Variants in MMP19 observed in about 807,000 individuals in gnomAD.
MMP19 encodes matrix metalloproteinase-19.
MMP19 carries 47 observed loss-of-function variants against 46.6 expected under a neutral mutation model. The observed-to-expected ratio is 1.01, with a 90% confidence interval of 0.80 to 1.29. The LOEUF is 1.29. Among genes scored for constraint, MMP19 ranks in the 50% most tolerant of loss-of-function variants. The pLI, the probability that MMP19 is intolerant of heterozygous loss-of-function variation, is 0.00. For synonymous variants in MMP19, 222 were observed against 248.5 expected (o/e 0.89, Z 1.00); for missense variants, 589 against 643.5 (o/e 0.92, Z 0.92).
Position 55,836,459 on chromosome 12 carries a change from A to AATGT in MMP19, c.*573_*576dup, listed in dbSNP as rs764266458. 6.6e-6 allele frequency: 1 copy of AATGT among 152,492 alleles called. No homozygotes were observed. Among genetic ancestry groups the AATGT allele is most frequent in the Non-Finnish European group, 1.5e-5 (1 of 68,146 alleles). The allele number at this position is 152,492 out of a possible 1,614,324, so 9.4% of individuals were successfully genotyped here. A position where few individuals can be genotyped will look rare whatever the true frequency, so the allele number is the denominator to read the frequency against. On this transcript the variant is annotated 3_prime_UTR_variant, in exon 9 of 9. Transcript: ENST00000322569. Reference sequence around the variant, plus strand: ...ATGGAGTTAGCTTTTATTAAACACAAATGTACCAGACACTGTGCCAGGCAC... The same window carrying AATGT: ...ATGGAGTTAGCTTTTATTAAACACAAATGTATGTACCAGACACTGTGCCAGGCAC...
Position 55,838,592 on chromosome 12 carries a change from G to A in MMP19, c.895+14C>T, listed in dbSNP as rs751124452. The stretch of plus-strand genomic sequence containing the variant: ...CCCACCGCCTGCCAACAGCCTGGAG[G>A]GGAGGGGCCTCACCCAGCATCATGG... On this transcript the variant is annotated intron_variant, in intron 6 of 8. Transcript: ENST00000322569. The A allele has an allele frequency of 1.2e-6, 2 of 1,614,176 alleles. No individual in the cohort carries two copies. Among genetic ancestry groups the A allele is most frequent in the East Asian group, 4.5e-5 (2 of 44,886 alleles).
rs1881537763 is a variant in MMP19, at chr12:55,839,653, C to T, written c.609G>A (p.Gly203=). The change falls in exon 5 of 9, where the codon GGG becomes GGA. Residue 203 remains glycine (G), a synonymous_variant. Transcript: ENST00000322569. ...DEFWTEGTYR[G]VNLRIIAAHE... is the part of the protein sequence containing the mutation. Reference sequence around the variant, plus strand: ...GGGCTGCAATGATGCGCAGGTTCACCCCACGGTAGGTCCCCTCAGTCCAGA... The same window carrying T: ...GGGCTGCAATGATGCGCAGGTTCACTCCACGGTAGGTCCCCTCAGTCCAGA... 6.2e-7 allele frequency: 1 copy of T among 1,614,138 alleles called. No homozygotes were observed. The highest frequency in any genetic ancestry group is 1.7e-5 in the Admixed American group (1 of 60,016).
intron 4 of MMP19, 193 bp from the exon 5 acceptor site, chr12:55,839,934 G>T: frequency 1.4e-6 from 1 of 724,880 alleles, no homozygotes; most frequent in Non-Finnish European, 2.2e-6. Context: ...GCCCATCACT[G>T]TCCCTTACCT....
chr12:55,841,599 G>C (rs2136237196), intron 2 of MMP19, among the ~76,000 whole-genome samples: 1 of 145,252 alleles, frequency 6.9e-6, no homozygotes, highest in East Asian at 2.0e-4. Flanking sequence ...TTTCTTTTTT[G>C]GTAGAGATGG....
chr12:55,838,785 T>C (rs1189851683), intron 5 of MMP19, 51 bp from the exon 6 acceptor site: 24 of 1,440,136 alleles, frequency 1.7e-5, no homozygotes, highest in Non-Finnish European at 2.3e-5. Context: ...GCACCTGTCC[T>C]CCACACCAGT....
At chr12:55,838,483 A>T in intron 6 of MMP19, 123 bp downstream of exon 6, 1 of 1,603,196 alleles carries the variant, frequency 6.2e-7, no homozygotes, top group Non-Finnish European at 8.5e-7. Flanking sequence ...CATGGTCATT[A>T]ATGCCTGGGG....
chr12:55,838,773 C>G, intron 5 of MMP19, 39 bp from the exon 6 acceptor site: 1 of 1,503,886 alleles, frequency 6.6e-7, no homozygotes, highest in Non-Finnish European at 9.0e-7. Context: ...AGAGAACTCA[C>G]AGCACCTGTC....
In MMP19 at chr12:55,842,913, A is replaced by C. The variant is rs997489265; in HGVS notation, c.-83T>G. The C allele has an allele frequency of 8.5e-6, 9 of 1,061,716 alleles. No homozygotes were observed. The African/African-American group carries it at 1.4e-4, about 17-fold the overall frequency. The allele number at this position is 1,061,716 out of a possible 1,614,324, so 65.8% of individuals were successfully genotyped here. A position where few individuals can be genotyped will look rare whatever the true frequency, so the allele number is the denominator to read the frequency against. On this transcript the variant is annotated 5_prime_UTR_variant, in exon 1 of 9. Transcript: ENST00000322569. The stretch of plus-strand genomic sequence containing the variant: ...GAGCCTTGGGGGAGCAGTGCTAGGC[A>C]GAGGGGCTCTTACCCCCAGTTCTTT...
chr12:55,842,279 G>A, intron 2 of MMP19, 74 bp downstream of exon 2: 2 of 1,225,136 alleles, frequency 1.6e-6, no homozygotes, highest in Non-Finnish European at 2.4e-6. Context: ...GGTGGGCCTG[G>A]GGAGAGGAAG....
intron 8 of MMP19, 84 bp from the exon 9 acceptor site, chr12:55,837,458 C>T (rs1331622188): frequency 6.3e-7 from 1 of 1,586,032 alleles, no homozygotes; most frequent in Non-Finnish European, 8.6e-7. Flanking sequence ...CCCACTGCAG[C>T]TGCAGAACAT....
chr12:55,836,928 C>T lies in MMP19; in HGVS notation c.*108G>A. 2 of 1,033,794 alleles carry T rather than the reference C, an allele frequency of 1.9e-6. No homozygotes were observed. Among genetic ancestry groups the T allele is most frequent in the South Asian group, 1.6e-5 (1 of 64,200 alleles). The allele number at this position is 1,033,794 out of a possible 1,614,324, so 64.0% of individuals were successfully genotyped here. On this transcript the variant is annotated 3_prime_UTR_variant, in exon 9 of 9. Transcript: ENST00000322569. Reference sequence around the variant, plus strand: ...CACCTGCAAGGTTCTACTGAGCAGACAGGTATTTCATTCAGCTATTAGGCC... The same window carrying T: ...CACCTGCAAGGTTCTACTGAGCAGATAGGTATTTCATTCAGCTATTAGGCC...
At position 55,839,579 on chromosome 12, in the gene MMP19, G is replaced by A. The variant is rs1388988621; in HGVS notation, c.683C>T (p.Ala228Val). The change falls in exon 5 of 9, where the codon GCC becomes GTC. Residue 228 changes from alanine (A) to valine (V), a missense_variant. Physicochemically the swap from Ala to Val is moderately conservative, Grantham distance 64 (BLOSUM62 0). Transcript: ENST00000322569. Reference protein sequence around the residue: ...LGLGHSRYSQALMAPVYEGYR... With the variant: ...LGLGHSRYSQVLMAPVYEGYR... ...GCCCTCGTAGACTGGGGCCATGAGG[G>A]CCTGGGAATATCGGGAGTGCCCAAG... 1 of 1,614,222 alleles carries A rather than the reference G, an allele frequency of 6.2e-7. No individual in the cohort carries two copies.
At position 55,839,665 on chromosome 12, in the gene MMP19, C is replaced by G; in HGVS notation, c.597G>C (p.Gly199=). The G allele has an allele frequency of 6.2e-7, 1 of 1,614,240 alleles. No homozygotes were observed. The highest frequency in any genetic ancestry group is 8.5e-7 in the Non-Finnish European group (1 of 1,180,040). ...TGCGCAGGTTCACCCCACGGTAGGT[C>G]CCCTCAGTCCAGAACTCGTCTTCGT... The part of the protein sequence containing the change: ...HFDEDEFWTE[G]TYRGVNLRII... Residue 199 remains glycine, a synonymous_variant, in exon 5 of 9, where the codon GGG becomes GGC. Transcript: ENST00000322569.
At position 55,837,044 on chromosome 12, in the gene MMP19, C is replaced by T. The variant is rs1881267167; in HGVS notation, c.1519G>A (p.Glu507Lys). The change falls in exon 9 of 9, where the codon GAA (glutamate) becomes AAA (lysine). Residue 507 changes from glutamate (E) to lysine (K), a missense_variant. Transcript: ENST00000322569. ...TTLSATETTF[E>K]Y ...TGTCTGTGGGTGAGCAGTCAGTATT[C>T]AAACGTGGTTTCTGTGGCTGAGAGA... 1 of 1,566,120 alleles carries T rather than the reference C, an allele frequency of 6.4e-7. No individual in the cohort carries two copies. Among genetic ancestry groups the T allele is most frequent in the Admixed American group, 1.8e-5 (1 of 56,528 alleles).
Position 55,842,764 on chromosome 12 carries a change from GC to G in MMP19, c.66del (p.Ala24GlnfsTer19), listed in dbSNP as rs1281540654. ...LPMTVSGRVL[G>X]LAEVAPVDYL... ...CTTACCACAGGCGCCACCTCTGCAAGCCCCAGGACCCGGCCTGAGACTGTCA... is the reference window on the plus strand; with the variant it reads ...CTTACCACAGGCGCCACCTCTGCAAGCCCAGGACCCGGCCTGAGACTGTCA... On this transcript the variant is annotated frameshift_variant, in exon 1 of 9. Coordinates refer to ENST00000322569, the MANE Select transcript of MMP19 (RefSeq NM_002429.6). LOFTEE classifies it high-confidence loss of function. 1 of 1,606,634 alleles carries G rather than the reference GC, an allele frequency of 6.2e-7. No individual in the cohort carries two copies.
At chr12:55,840,999 T>TTG (rs1322550188) in intron 3 of MMP19, 107 bp downstream of exon 3, 2 of 1,543,920 alleles carry the variant, frequency 1.3e-6, no homozygotes, top group Non-Finnish European at 1.8e-6. Context: ...AATCACCAGG[T>TTG]GATTATCTAT....
intron 4 of MMP19, among the ~76,000 whole-genome samples, chr12:55,840,388 AGAGAGAAGGAGAGAAGGAAGGGAGGGAGG>A (rs1357680951): frequency 1.8e-5 from 2 of 109,896 alleles, no homozygotes; most frequent in Non-Finnish European, 3.6e-5. Context: ...AGGGAGGGAG[AGAGAGAAGGAGAGAAGGAAGGGAGGGAGG>A]GAGAGAAGGA....
chr12:55,839,077 TA>T (rs1881477525), intron 5 of MMP19, among the ~76,000 whole-genome samples: 1 of 151,536 alleles, frequency 6.6e-6, no homozygotes, highest in African/African-American at 2.4e-5. Flanking sequence ...CCATCTCTAC[TA>T]AAATACAAAA....
chr12:55,839,550 G>A lies in MMP19; in HGVS notation c.712C>T (p.Arg238Trp), dbSNP rs754912368. Reference protein sequence around the residue: ...ALMAPVYEGYRPHFKLHPDDV... With the variant: ...ALMAPVYEGYWPHFKLHPDDV... ...TCTGGGTGCAGCTTAAAGTGGGGCC[G>A]GTAGCCCTCGTAGACTGGGGCCATG... is the stretch of plus-strand genomic sequence containing the variant. Residue 238 changes from arginine (R) to tryptophan (W), a missense_variant, in exon 5 of 9, where the codon CGG (arginine) becomes TGG (tryptophan). Transcript: ENST00000322569. 2.4e-5 allele frequency: 38 copies of A among 1,613,980 alleles called. No homozygotes were observed. Among genetic ancestry groups the A allele is most frequent in the Middle Eastern group, 3.3e-4 (2 of 6,062 alleles).
Sources: gnomAD v4.1 joint callset for allele counts (sites outside exome capture counted in the v4.1 genomes callset) on GRCh38, gnomAD v4.1.1 for gene constraint, MANE v1.5 for transcripts, NCBI Gene and HGNC (gene_info 2026-07-23, HGNC 2026-07-21) for gene names.